The following CARS1 variants were observed in gnomAD, a reference collection of about 807,000 sequenced individuals.
CARS1 encodes cysteinyl-tRNA synthetase 1.
A neutral mutation model predicts 106.2 loss-of-function variants in CARS1; 48 were observed. The ratio of observed to expected loss-of-function variants is 0.45; its 90% CI spans 0.36 to 0.57. The LOEUF (loss-of-function observed/expected upper bound fraction) is 0.57. CARS1 is among the 20% of genes least tolerant of loss of function. CARS1 has a pLI of 0.00. For missense variants in CARS1, 968 were observed against 1,057.2 expected (o/e 0.92, Z 1.17); for synonymous variants, 409 against 403.4 (o/e 1.01, Z -0.17).
intron 10 of CARS1, among the ~76,000 whole-genome samples, chr11:3,026,221 G>A (rs921376293): frequency 2.6e-5 from 4 of 152,188 alleles, no homozygotes; most frequent in African/African-American, 2.4e-5. Context: ...TGAGTGGAGA[G>A]AGGTTGGTTT....
chr11:3,043,804 C>G lies in CARS1; in HGVS notation c.275-1548G>C, dbSNP rs959571082. Among the ~76,000 whole-genome samples the G allele has an allele frequency of 6.6e-6, 1 of 152,088 alleles. No homozygotes were observed. On this transcript the variant is annotated intron_variant, in intron 2 of 22. Transcript: ENST00000380525. This position sits in a 1 kb window ranked among gnomAD's most constrained non-coding sequence, Gnocchi z 4.0. ...AGGCCAAGGGGAGGAAGGAGGGCGG[C>G]TGCACTGTGTCTGGGCAGTGGGGGT...
rs1853958695 is a variant in CARS1 at position 3,038,321 on chromosome 11, G to A, written c.652-122C>T. On this transcript the variant is annotated intron_variant, in intron 6 of 22. Transcript: ENST00000380525. This position sits in a 1 kb window ranked among gnomAD's most constrained non-coding sequence, Gnocchi z 4.0. ...CATGGCCCCATAGAGATAGAGAAGTGTGCAACCCAAGTGGCCAGGCAGTAA... is the reference window on the plus strand; with the variant it reads ...CATGGCCCCATAGAGATAGAGAAGTATGCAACCCAAGTGGCCAGGCAGTAA... 6.6e-6 allele frequency: 6 copies of A among 912,148 alleles called. No individual in the cohort carries two copies. Among genetic ancestry groups the A allele is most frequent in the Non-Finnish European group, 8.5e-6 (5 of 587,394 alleles). 56.5% of individuals were successfully genotyped at this position (912,148 alleles called of 1,614,324 possible).
At chr11:3,006,985 T>A in intron 18 of CARS1, 26 bp from the exon 19 acceptor site, 1 of 1,597,616 alleles carries the variant, frequency 6.3e-7, no homozygotes, top group Non-Finnish European at 8.6e-7. Context: ...AGCAGTTCCC[T>A]CAGACATGGA....
At chr11:3,001,405 C>T (rs74948804) in intron 22 of CARS1, among the ~76,000 whole-genome samples, 157 bp from the exon 23 acceptor site, 2,782 of 152,260 alleles carry the variant, frequency 0.018, 79 homozygotes, top group African/African-American at 0.063. Flanking sequence ...GGAGCCAGCA[C>T]ACTCATCTGG....
In CARS1 at chr11:3,028,859, G is replaced by C; in HGVS notation, c.1031+137C>G. 1 of 685,080 alleles carries C rather than the reference G, an allele frequency of 1.5e-6. No homozygotes were observed. 42.4% of individuals were successfully genotyped at this position (685,080 alleles called of 1,614,324 possible). A position where few individuals can be genotyped will look rare whatever the true frequency, so the allele number is the denominator to read the frequency against. ...GGTGGGCCCAGAGTTGTAGGAGGAA[G>C]TCTGCTGGGACTTCTAGCTACGCAG... is the stretch of plus-strand genomic sequence containing the variant. On this transcript the variant is annotated intron_variant, in intron 9 of 22. Transcript: ENST00000380525. This position sits in a 1 kb window ranked among gnomAD's most constrained non-coding sequence, Gnocchi z 4.4.
chr11:3,027,187 G>A (rs771601906), intron 9 of CARS1: 9 of 164,028 alleles, frequency 5.5e-5, no homozygotes, highest in Non-Finnish European at 1.2e-4. Context: ...CTCCAGTCTG[G>A]AATGACCTGT....
intron 17 of CARS1, among the ~76,000 whole-genome samples, chr11:3,012,884 CTTTTT>C (rs768906268): frequency 2.6e-5 from 3 of 116,930 alleles, no homozygotes; most frequent in African/African-American, 1.1e-4. Context: ...CTATATTTCC[CTTTTT>C]TTTTTTTTTT....
chr11:3,019,282 A>G lies in CARS1; in HGVS notation c.1267-15T>C. The G allele has an allele frequency of 7.2e-7, 1 of 1,395,058 alleles. No individual in the cohort carries two copies. The highest frequency in any genetic ancestry group is 9.4e-7 in the Non-Finnish European group (1 of 1,065,838). 86.4% of individuals were successfully genotyped at this position (1,395,058 alleles called of 1,614,324 possible). Reference sequence around the variant, plus strand: ...CCCGGACGACCCTGGAGAAAGCCGAACACACAGTGACTGACCAGCCTACCC... The same window carrying G: ...CCCGGACGACCCTGGAGAAAGCCGAGCACACAGTGACTGACCAGCCTACCC... On this transcript the variant is annotated splice_polypyrimidine_tract_variant and intron_variant, in intron 11 of 22. Coordinates refer to ENST00000380525, the MANE Select transcript of CARS1 (RefSeq NM_001014437.3). This position sits in a 1 kb window ranked among gnomAD's most constrained non-coding sequence, Gnocchi z 6.2.
In CARS1 at chr11:3,020,908, G is replaced by T. The variant is rs1356361652; in HGVS notation, c.1154-576C>A. On this transcript the variant is annotated intron_variant, in intron 10 of 22. Coordinates refer to ENST00000380525, the MANE Select transcript of CARS1 (RefSeq NM_001014437.3). The surrounding 1 kb of genome is among the most constrained non-coding windows in gnomAD (Gnocchi z 4.6). ...GTGTATTTATAAGGGGAAAATAGGT[G>T]AAGGAAACTAAAGAATAGTCCAGGA... 2.0e-5 allele frequency among the ~76,000 whole-genome samples: 3 copies of T among 152,206 alleles called. No individual in the cohort carries two copies. Among genetic ancestry groups the T allele is most frequent in the Non-Finnish European group, 4.4e-5 (3 of 68,040 alleles).
rs189112793 is a variant in CARS1 at position 3,019,926 on chromosome 11, A to G, written c.1266+294T>C. Among the ~76,000 whole-genome samples, 26 of 152,292 alleles carry G rather than the reference A, an allele frequency of 1.7e-4. No homozygotes were observed. Among genetic ancestry groups the G allele is most frequent in the Non-Finnish European group, 2.9e-4 (20 of 68,002 alleles). ...CTACACCCTGGGGCCTGGAATACTC[A>G]GAGTCACAGAACACAAGAACCAAGA... On this transcript the variant is annotated intron_variant, in intron 11 of 22. Transcript: ENST00000380525. This position sits in a 1 kb window ranked among gnomAD's most constrained non-coding sequence, Gnocchi z 6.2.
intron 19 of CARS1, 137 bp downstream of exon 19, chr11:3,006,742 G>C (rs1590322267): frequency 1.3e-6 from 1 of 764,656 alleles, no homozygotes; most frequent in East Asian, 2.5e-5. Context: ...GGCGCCGGGG[G>C]ACCCATGGGG....
At position 3,017,929 on chromosome 11, in the gene CARS1, A is replaced by G. The variant is rs201112392; in HGVS notation, c.1655T>C (p.Ile552Thr). The G allele has an allele frequency of 2.9e-5, 46 of 1,613,578 alleles. No individual in the cohort carries two copies. The highest frequency in any genetic ancestry group is 3.7e-5 in the Non-Finnish European group (44 of 1,179,676). The change falls in exon 15 of 23, where the codon ATC (isoleucine) becomes ACC (threonine). Residue 552 changes from isoleucine (I) to threonine (T), a missense_variant. Coordinates refer to ENST00000380525, the MANE Select transcript of CARS1 (RefSeq NM_001014437.3). The surrounding 1 kb of genome is among the most constrained non-coding windows in gnomAD (Gnocchi z 4.9). ...AGTGATGTCAACAGGAGCGCGAAGG[A>G]TATCTTTCACATTTAAGAAAAACTC... ...LNEFFLNVKD[I>T]LRAPVDITGQ...
At chr11:3,018,382 C>A in intron 14 of CARS1, 26 bp downstream of exon 14, 1 of 1,544,220 alleles carries the variant, frequency 6.5e-7, no homozygotes, top group Non-Finnish European at 8.9e-7. Context: ...GCTCCACCAA[C>A]CTCCAGGAAG....
rs1853920942 is a variant in CARS1, at chr11:3,038,107, T to C, written c.744A>G (p.Pro248=). The C allele has an allele frequency of 1.2e-6, 2 of 1,614,194 alleles. No individual in the cohort carries two copies. Among genetic ancestry groups the C allele is most frequent in the Non-Finnish European group, 1.7e-6 (2 of 1,179,998 alleles). The change falls in exon 7 of 23, where the codon CCA becomes CCG. Residue 248 remains proline, a synonymous_variant. Coordinates refer to ENST00000380525, the MANE Select transcript of CARS1 (RefSeq NM_001014437.3). The surrounding 1 kb of genome is among the most constrained non-coding windows in gnomAD (Gnocchi z 4.0). ...GTCTGGACTGCACAGCTTTCTCAAG[T>C]GGCTCTGTGGCAAGCTGCACTGCGT... ...IQHAVQLATE[P]LEKAVQSRLT...
At chr11:3,047,282 A>C (rs1855195359) in intron 2 of CARS1, among the ~76,000 whole-genome samples, 1 of 151,984 alleles carries the variant, frequency 6.6e-6, no homozygotes, top group Non-Finnish European at 1.5e-5. Flanking sequence ...ATCTCAAAAA[A>C]AAAAAAAAAA....
At position 3,022,002 on chromosome 11, in the gene CARS1, TC is replaced by T. The variant is rs1250309535; in HGVS notation, c.1154-1671del. Reference sequence around the variant, plus strand: ...ATTGATAACAGAGAACACAGGACCCTCCCCACAAACACCCTATCCTTCAGCA... The same window carrying T: ...ATTGATAACAGAGAACACAGGACCCTCCCACAAACACCCTATCCTTCAGCA... On this transcript the variant is annotated intron_variant, in intron 10 of 22. Transcript: ENST00000380525. This position sits in a 1 kb window ranked among gnomAD's most constrained non-coding sequence, Gnocchi z 4.9. Among the ~76,000 whole-genome samples, 1 of 152,138 alleles carries T rather than the reference TC, an allele frequency of 6.6e-6. No individual in the cohort carries two copies.
chr11:3,018,446 T>A lies in CARS1; in HGVS notation c.1591A>T (p.Thr531Ser), dbSNP rs762159255. The change falls in exon 14 of 23, where the codon ACC becomes TCC. Residue 531 changes from threonine to serine, a missense_variant. Physicochemically the swap from Thr to Ser is moderately conservative, Grantham distance 58. Coordinates refer to ENST00000380525, the MANE Select transcript of CARS1 (RefSeq NM_001014437.3). The part of the protein sequence containing the change: ...WKDTLDYSSN[T>S]MESALQYEKF... ...TCATATTGAAGCGCTGACTCCATGG[T>A]GTTGCTGGAGTAGTCCAGGGTGTCC... The A allele has an allele frequency of 1.9e-6, 3 of 1,613,742 alleles. No homozygotes were observed. The highest frequency in any genetic ancestry group is 1.7e-6 in the Non-Finnish European group (2 of 1,179,744).
In CARS1 at chr11:3,053,076, G is replaced by C. The variant is rs867821964; in HGVS notation, c.25+4267C>G. 6.6e-6 allele frequency among the ~76,000 whole-genome samples: 1 copy of C among 152,178 alleles called. No homozygotes were observed. Among genetic ancestry groups the C allele is most frequent in the Non-Finnish European group, 1.5e-5 (1 of 68,038 alleles). On this transcript the variant is annotated intron_variant, in intron 1 of 22. Transcript: ENST00000380525. This position sits in a 1 kb window ranked among gnomAD's most constrained non-coding sequence, Gnocchi z 6.6. ...TACAGAACATTTATTGAAATCACAT[G>C]CAAGTACCAAGCAATTGCTCAGCAC... is the stretch of plus-strand genomic sequence containing the variant.
chr11:3,039,715 A>T lies in CARS1; in HGVS notation c.552+120T>A, dbSNP rs1854170795. 6.9e-6 allele frequency: 4 copies of T among 579,566 alleles called. No individual in the cohort carries two copies. The highest frequency in any genetic ancestry group is 1.2e-5 in the Non-Finnish European group (4 of 329,876). The allele number at this position is 579,566 out of a possible 1,614,324, so 35.9% of individuals were successfully genotyped here. A position where few individuals can be genotyped will look rare whatever the true frequency, so the allele number is the denominator to read the frequency against. On this transcript the variant is annotated intron_variant, in intron 5 of 22. Coordinates refer to ENST00000380525, the MANE Select transcript of CARS1 (RefSeq NM_001014437.3). The surrounding 1 kb of genome is among the most constrained non-coding windows in gnomAD (Gnocchi z 5.6). ...TTAACTCACTGAGGGGATTAAAATG[A>T]TGTTTATCAGGTGAAAACACAAGCT... is the stretch of plus-strand genomic sequence containing the variant.
Sources: gnomAD v4.1 joint callset for allele counts (sites outside exome capture counted in the v4.1 genomes callset) on GRCh38, gnomAD v4.1.1 for gene constraint, Gnocchi (gnomAD v3.1) non-coding constraint, MANE v1.5 for transcripts, NCBI Gene and HGNC (gene_info 2026-07-23, HGNC 2026-07-21) for gene names.